MBNL1: variants seen among roughly 807,000 people sequenced by gnomAD.
MBNL1 encodes muscleblind-like protein 1.
MBNL1 carries 8 observed loss-of-function variants against 42.2 expected under a neutral mutation model. That is an observed-to-expected ratio of 0.19 (90% CI 0.11 to 0.34). MBNL1 has a LOEUF of 0.34. Among genes scored for constraint, MBNL1 ranks in the 10% least tolerant of loss-of-function variants. The pLI is 1.00. For synonymous variants in MBNL1, 169 were observed against 173.9 expected (o/e 0.97, Z 0.22); for missense variants, 309 against 495.3 (o/e 0.62, Z 3.57).
At chr3:152,360,047 T>C (rs1444239073) in intron 2 of MBNL1, among the ~76,000 whole-genome samples, 1 of 152,208 alleles carries the variant, frequency 6.6e-6, no homozygotes, top group Admixed American at 6.5e-5. Context: ...GTATATTCTT[T>C]TGGCTTTGTC....
chr3:152,413,714 G>A, intron 2 of MBNL1, among the ~76,000 whole-genome samples: 1 of 152,138 alleles, frequency 6.6e-6, no homozygotes, highest in East Asian at 1.9e-4. Flanking sequence ...GTGAATGATG[G>A]CTTCAATTAA....
intron 2 of MBNL1, 86 bp downstream of exon 2, chr3:152,300,453 G>T: frequency 8.7e-7 from 1 of 1,144,036 alleles, no homozygotes. Context: ...ATGGGATTAT[G>T]GATTGCTTTG....
intron 2 of MBNL1, among the ~76,000 whole-genome samples, chr3:152,335,488 T>C (rs1012384551): frequency 6.6e-6 from 1 of 152,242 alleles, no homozygotes; most frequent in Non-Finnish European, 1.5e-5. Context: ...CTTCAGTAGA[T>C]GGAGCATAGT....
At chr3:152,396,304 G>T in intron 2 of MBNL1, 1 of 188,570 alleles carries the variant, frequency 5.3e-6, no homozygotes, top group East Asian at 1.6e-4. Context: ...TAATGTACTT[G>T]AATCATCCCC....
At chr3:152,282,230 T>C (rs1251930704) in intron 1 of MBNL1, among the ~76,000 whole-genome samples, 1 of 152,166 alleles carries the variant, frequency 6.6e-6, no homozygotes, top group Non-Finnish European at 1.5e-5. Flanking sequence ...CTAATATACC[T>C]ATGCAAATTT....
At chr3:152,370,359 C>A (rs994057795) in intron 2 of MBNL1, among the ~76,000 whole-genome samples, 1 of 152,034 alleles carries the variant, frequency 6.6e-6, no homozygotes, top group Non-Finnish European at 1.5e-5. Flanking sequence ...GCACCAGGGT[C>A]CGGGAGACTG....
chr3:152,422,268 CAAA>C (rs200584264), intron 3 of MBNL1, among the ~76,000 whole-genome samples: 13 of 102,986 alleles, frequency 1.3e-4, no homozygotes, highest in East Asian at 5.3e-4. Flanking sequence ...AAATGGAAAG[CAAA>C]AAAAAAAAAA....
chr3:152,260,738 C>T (rs1397621262), intron 2 of MBNL1, among the ~76,000 whole-genome samples: 1 of 152,144 alleles, frequency 6.6e-6, no homozygotes, highest in African/African-American at 2.4e-5. Flanking sequence ...TTTGTGTGAT[C>T]TTAACTCTTT....
In MBNL1 at chr3:152,462,656, T is replaced by C. The variant is rs143726757; in HGVS notation, c.*290T>C. Reference sequence around the variant, plus strand: ...GTCTTTCTTTTCTAGCACAGAGTTATGCATTCAAAGATGCATACCTAGTTA... The same window carrying C: ...GTCTTTCTTTTCTAGCACAGAGTTACGCATTCAAAGATGCATACCTAGTTA... On this transcript the variant is annotated 3_prime_UTR_variant, in exon 10 of 10. Transcript: ENST00000324210. 4.6e-5 allele frequency: 7 copies of C among 152,338 alleles called. No individual in the cohort carries two copies. The highest frequency in any genetic ancestry group is 1.4e-4 in the African/African-American group (6 of 41,592). 9.4% of individuals were successfully genotyped at this position (152,338 alleles called of 1,614,324 possible). A position where few individuals can be genotyped will look rare whatever the true frequency, so the allele number is the denominator to read the frequency against.
chr3:152,398,989 C>A (rs1386465453), intron 2 of MBNL1, among the ~76,000 whole-genome samples: 1 of 152,100 alleles, frequency 6.6e-6, no homozygotes, highest in Admixed American at 6.6e-5. Flanking sequence ...TGGAAATAGT[C>A]CCCTTGTCTT....
chr3:152,451,060 A>G (rs1721903177), intron 6 of MBNL1, among the ~76,000 whole-genome samples: 1 of 152,188 alleles, frequency 6.6e-6, no homozygotes, highest in African/African-American at 2.4e-5. Flanking sequence ...TGGAAGGTAC[A>G]CTTTTGAAGG....
At chr3:152,455,823 A>AG (rs1732528387) in intron 7 of MBNL1, among the ~76,000 whole-genome samples, 1 of 152,174 alleles carries the variant, frequency 6.6e-6, no homozygotes, top group Non-Finnish European at 1.5e-5. Flanking sequence ...CTGGTGTGTA[A>AG]AAAAAATCTA....
intron 2 of MBNL1, among the ~76,000 whole-genome samples, chr3:152,408,751 A>T (rs2098496722): frequency 6.6e-6 from 1 of 151,948 alleles, no homozygotes; most frequent in African/African-American, 2.4e-5. Flanking sequence ...ACAAAGGGTG[A>T]TGCTGTCCTC....
chr3:152,300,248 T>A lies in MBNL1; in HGVS notation c.55T>A (p.Cys19Ser). ...RDTKWLTLEV[C>S]REFQRGTCSR... ...CACAAAATGGCTAACACTGGAAGTA[T>A]GTAGAGAGTTCCAGAGGGGGACTTG... Residue 19 changes from cysteine to serine, a missense_variant, in exon 2 of 10, where the codon TGT becomes AGT. Coordinates refer to ENST00000324210, the MANE Select transcript of MBNL1 (RefSeq NM_021038.5). The A allele has an allele frequency of 6.2e-7, 1 of 1,613,884 alleles. No individual in the cohort carries two copies. The highest frequency in any genetic ancestry group is 8.5e-7 in the Non-Finnish European group (1 of 1,179,870).
chr3:152,433,986 T>C (rs1580388614), intron 4 of MBNL1, among the ~76,000 whole-genome samples: 1 of 152,190 alleles, frequency 6.6e-6, no homozygotes, highest in Non-Finnish European at 1.5e-5. Context: ...TGTCATTCAT[T>C]GAACCCACCT....
At chr3:152,434,786 T>C (rs1315633021) in intron 4 of MBNL1, among the ~76,000 whole-genome samples, 1 of 152,214 alleles carries the variant, frequency 6.6e-6, no homozygotes, top group East Asian at 1.9e-4. Context: ...TTTGCATTTC[T>C]CTAATGATTA....
chr3:152,251,683 T>C (rs1380032578), intron 2 of MBNL1, among the ~76,000 whole-genome samples: 1 of 152,092 alleles, frequency 6.6e-6, no homozygotes, highest in Non-Finnish European at 1.5e-5. Flanking sequence ...CACTTTCTGC[T>C]GGAGTTCCTC....
At chr3:152,295,833 A>C (rs1056007257) in intron 1 of MBNL1, among the ~76,000 whole-genome samples, 25 of 152,236 alleles carry the variant, frequency 1.6e-4, no homozygotes, top group Non-Finnish European at 4.4e-5. Flanking sequence ...ATGTCTTGGC[A>C]CCTGCCAAGA....
At position 152,432,217 on chromosome 3, in the gene MBNL1, C is replaced by T. The variant is rs868395525; in HGVS notation, c.346-500C>T. Among the ~76,000 whole-genome samples the T allele has an allele frequency of 3.3e-5, 5 of 152,314 alleles. No individual in the cohort carries two copies. In the Middle Eastern group the frequency reaches 0.014, roughly 414 times the overall value. The stretch of plus-strand genomic sequence containing the variant: ...CCCCATGAGATTTATTTACAGCTTA[C>T]ATTGACTGTGAAACTCTTTTATCCC... On this transcript the variant is annotated intron_variant, in intron 3 of 9. Coordinates refer to ENST00000324210, the MANE Select transcript of MBNL1 (RefSeq NM_021038.5).
Sources: allele counts gnomAD v4.1 joint callset (sites outside exome capture counted in the v4.1 genomes callset), GRCh38; gene constraint gnomAD v4.1.1; transcripts MANE v1.5; gene names NCBI Gene and HGNC (gene_info 2026-07-23, HGNC 2026-07-21).